The following SPTBN1 variants were observed in gnomAD, a reference collection of about 807,000 sequenced individuals.
SPTBN1 encodes the protein spectrin beta chain, non-erythrocytic 1.
A neutral mutation model predicts 266.4 loss-of-function variants in SPTBN1; 32 were observed. The ratio of observed to expected loss-of-function variants is 0.12; its 90% confidence interval spans 0.09 to 0.16. SPTBN1 has a LOEUF of 0.16. Among genes scored for constraint, SPTBN1 ranks in the 10% least tolerant of loss-of-function variants. The pLI is 1.00. For synonymous variants in SPTBN1, 1,336 were observed against 1,162.2 expected, an observed-to-expected ratio of 1.15 and a Z score of -3.04; for missense variants, 2,296 against 3,067.1, an observed-to-expected ratio of 0.75 and a Z score of 5.94.
intron 2 of SPTBN1, among the ~76,000 whole-genome samples, chr2:54,567,058 G>A (rs116138569): frequency 1.5e-4 from 23 of 152,316 alleles, no homozygotes; most frequent in Middle Eastern, 3.4e-3. Flanking sequence ...AGCAGCTGTC[G>A]TCTGGTTAAA....
chr2:54,492,100 T>C (rs1446342160), intron 1 of SPTBN1, among the ~76,000 whole-genome samples: 2 of 152,200 alleles, frequency 1.3e-5, no homozygotes, highest in Admixed American at 1.3e-4. Flanking sequence ...AACTTCTGAA[T>C]ATGAGAGTAA....
chr2:54,577,215 C>A (rs928101473), intron 2 of SPTBN1, among the ~76,000 whole-genome samples: 5 of 152,212 alleles, frequency 3.3e-5, no homozygotes, highest in South Asian at 2.1e-4. Context: ...AAGTGACTTG[C>A]ATTTCAGTTC....
intron 17 of SPTBN1, among the ~76,000 whole-genome samples, chr2:54,633,408 C>CGTGTGT (rs370440106): frequency 6.8e-6 from 1 of 146,688 alleles, no homozygotes; most frequent in Admixed American, 7.0e-5. Flanking sequence ...TTTTTATTTA[C>CGTGTGT]GTGTGTGTGT....
intron 1 of SPTBN1, among the ~76,000 whole-genome samples, chr2:54,496,484 A>ATT (rs533908385): frequency 6.6e-6 from 1 of 151,050 alleles, no homozygotes; most frequent in Non-Finnish European, 1.5e-5. Context: ...AACAGCTAAC[A>ATT]TTTTTTTTGG....
Position 54,631,020 on chromosome 2 carries a change from C to A in SPTBN1, c.2973C>A (p.Val991=). The A allele has an allele frequency of 1.9e-6, 3 of 1,614,056 alleles. No homozygotes were observed. Among genetic ancestry groups the A allele is most frequent in the Non-Finnish European group, 2.5e-6 (3 of 1,179,952 alleles). ...ACCTGGGCAATGACCTGGCTGGCGT[C>A]ATGGCCCTGCAGCGCAAGCTGACCG... ...TQDLGNDLAG[V]MALQRKLTGM... is the part of the protein sequence containing the mutation. The change falls in exon 16 of 36, where the codon GTC becomes GTA. Residue 991 remains valine, a synonymous_variant. Coordinates refer to ENST00000356805, the MANE Select transcript of SPTBN1 (RefSeq NM_003128.3).
At chr2:54,579,648 A>C (rs746191627) in intron 2 of SPTBN1, among the ~76,000 whole-genome samples, 2 of 152,216 alleles carry the variant, frequency 1.3e-5, no homozygotes, top group Non-Finnish European at 2.9e-5. Flanking sequence ...ATATTGCTGC[A>C]TGGAGTTCTG....
chr2:54,493,412 T>TCGGGG (rs544357918), intron 1 of SPTBN1, among the ~76,000 whole-genome samples: 1 of 146,696 alleles, frequency 6.8e-6, no homozygotes, highest in African/African-American at 2.5e-5. Context: ...TTTTCTTTTT[T>TCGGGG]GGGGGGTTGG....
intron 1 of SPTBN1, among the ~76,000 whole-genome samples, chr2:54,461,146 A>G (rs945526924): frequency 6.6e-6 from 1 of 152,116 alleles, no homozygotes; most frequent in African/African-American, 2.4e-5. Flanking sequence ...TCCCTTCTCT[A>G]TGGTTTATCC....
At chr2:54,459,879 A>G (rs1434567622) in intron 1 of SPTBN1, among the ~76,000 whole-genome samples, 4 of 152,178 alleles carry the variant, frequency 2.6e-5, no homozygotes, top group African/African-American at 4.8e-5. Context: ...CAAAAGACCT[A>G]GTTTAGTACT....
At chr2:54,640,862 T>C (rs1462035727) in intron 18 of SPTBN1, among the ~76,000 whole-genome samples, 5 of 152,236 alleles carry the variant, frequency 3.3e-5, no homozygotes, top group African/African-American at 4.8e-5. Flanking sequence ...GGTAGTGTTA[T>C]TTTAATGTGA....
At chr2:54,655,854 C>T in intron 28 of SPTBN1, 60 bp from the exon 29 acceptor site, 2 of 1,272,694 alleles carry the variant, frequency 1.6e-6, no homozygotes, top group East Asian at 2.4e-5. Flanking sequence ...TAAAATGACC[C>T]CATCAAGAGG....
intron 7 of SPTBN1, among the ~76,000 whole-genome samples, chr2:54,621,175 T>C (rs1677970035): frequency 6.6e-6 from 1 of 152,168 alleles, no homozygotes; most frequent in Non-Finnish European, 1.5e-5. Flanking sequence ...AGGAACTATG[T>C]GTCTGTGGAA....
At chr2:54,611,235 C>T (rs1484724655) in intron 3 of SPTBN1, among the ~76,000 whole-genome samples, 2 of 152,146 alleles carry the variant, frequency 1.3e-5, no homozygotes, top group Non-Finnish European at 2.9e-5. Context: ...CTAGGCCATT[C>T]ATCTGAATCT....
rs374335221 is a variant in SPTBN1 at position 54,668,501 on chromosome 2, G to A, written c.7027G>A (p.Gly2343Ser). The change falls in exon 36 of 36, where the codon GGC becomes AGC. Residue 2343 changes from glycine (G) to serine (S), a missense_variant. By Grantham distance (56) the Gly-to-Ser change is moderately conservative (BLOSUM62 0). Transcript: ENST00000356805. Reference sequence around the variant, plus strand: ...CACCATCACCAGCGAGTCCAGTCCCGGCAAGCGGGAAAAGGACAAAGAGAA... The same window carrying A: ...CACCATCACCAGCGAGTCCAGTCCCAGCAAGCGGGAAAAGGACAAAGAGAA... ...VVTITSESSP[G>S]KREKDKEKDK... 48 of 1,613,988 alleles carry A rather than the reference G, an allele frequency of 3.0e-5. No individual in the cohort carries two copies. The highest frequency in any genetic ancestry group is 8.8e-5 in the South Asian group (8 of 91,082).
chr2:54,557,989 A>AGTG lies in SPTBN1; in HGVS notation c.148+31424_148+31426dup, dbSNP rs936090214. Reference sequence around the variant, plus strand: ...CGCGTTACCTCAGCAGACGCTAGAGAGTGAATGAGCCGCGCGGGCCCGGGA... The same window carrying AGTG: ...CGCGTTACCTCAGCAGACGCTAGAGAGTGGTGAATGAGCCGCGCGGGCCCGGGA... On this transcript the variant is annotated intron_variant, in intron 2 of 35. Coordinates refer to ENST00000356805, the MANE Select transcript of SPTBN1 (RefSeq NM_003128.3). 1.3e-4 allele frequency: 130 copies of AGTG among 984,666 alleles called. 1 individual carries two copies. The African/African-American group carries it at 1.9e-3, about 14-fold the overall frequency. 61.0% of individuals were successfully genotyped at this position (984,666 alleles called of 1,614,324 possible).
At chr2:54,581,467 CT>C (rs1295640791) in intron 2 of SPTBN1, among the ~76,000 whole-genome samples, 3 of 151,922 alleles carry the variant, frequency 2.0e-5, no homozygotes, top group African/African-American at 2.4e-5. Flanking sequence ...GGAATCATGG[CT>C]GACATTGAAC....
chr2:54,535,500 G>C (rs1272066503), intron 2 of SPTBN1, among the ~76,000 whole-genome samples: 2 of 152,166 alleles, frequency 1.3e-5, no homozygotes. Flanking sequence ...CATGTAATCT[G>C]TGGCCTTTTT....
chr2:54,554,832 C>T lies in SPTBN1; in HGVS notation c.148+28266C>T, dbSNP rs893893441. Among the ~76,000 whole-genome samples, 2 of 152,292 alleles carry T rather than the reference C, an allele frequency of 1.3e-5. No homozygotes were observed. The highest frequency in any genetic ancestry group is 4.8e-5 in the African/African-American group (2 of 41,556). Reference sequence around the variant, plus strand: ...AGGGCTGAAACCTGTGCACAGAGGACATACTCAGTTGGGCCCTGCCTTGGA... The same window carrying T: ...AGGGCTGAAACCTGTGCACAGAGGATATACTCAGTTGGGCCCTGCCTTGGA... On this transcript the variant is annotated intron_variant, in intron 2 of 35. Coordinates refer to ENST00000356805, the MANE Select transcript of SPTBN1 (RefSeq NM_003128.3). This position sits in a 1 kb window ranked among gnomAD's most constrained non-coding sequence, Gnocchi z 4.5.
intron 2 of SPTBN1, among the ~76,000 whole-genome samples, chr2:54,577,885 A>G (rs1295565174): frequency 6.6e-6 from 1 of 152,138 alleles, no homozygotes; most frequent in Non-Finnish European, 1.5e-5. Context: ...AGTTGTTGAG[A>G]GGTAGAAATT....
Sources: gnomAD v4.1 joint callset for allele counts (sites outside exome capture counted in the v4.1 genomes callset) on GRCh38, gnomAD v4.1.1 for gene constraint, Gnocchi (gnomAD v3.1) non-coding constraint, MANE v1.5 for transcripts, NCBI Gene and HGNC (gene_info 2026-07-23, HGNC 2026-07-21) for gene names.